The following NFIA variants were observed in gnomAD, a reference collection of about 807,000 sequenced individuals.
NFIA encodes the protein nuclear factor 1 A-type.
NFIA carries 8 observed loss-of-function variants against 62.8 expected under a neutral mutation model. The observed-to-expected ratio is 0.13, with a 90% CI of 0.07 to 0.23. The LOEUF is 0.23. Among genes scored for constraint, NFIA ranks in the 10% least tolerant of loss-of-function variants. NFIA has a pLI of 1.00. For missense variants in NFIA, 410 were observed against 642.1 expected, an observed-to-expected ratio of 0.64 and a Z score of 3.91; for synonymous variants, 235 against 238.1, an observed-to-expected ratio of 0.99 and a Z score of 0.12.
chr1:61,439,657 T>A (rs1372467414), intron 10 of NFIA: 2 of 152,172 alleles, frequency 1.3e-5, no homozygotes, highest in African/African-American at 4.8e-5. Flanking sequence ...TGGAGAGAGA[T>A]GAATTGTGGT....
intron 2 of NFIA, among the ~76,000 whole-genome samples, chr1:61,157,237 CA>C (rs1371399225): frequency 5.3e-5 from 8 of 152,258 alleles, no homozygotes; most frequent in African/African-American, 1.9e-4. Context: ...AGACTTTTCA[CA>C]AAGTGATTGT....
At chr1:61,137,626 C>T (rs1647223333) in intron 2 of NFIA, among the ~76,000 whole-genome samples, 2 of 152,098 alleles carry the variant, frequency 1.3e-5, no homozygotes, top group Admixed American at 1.3e-4. Flanking sequence ...TTAGAATCAC[C>T]TGGAGTGGGA....
intron 10 of NFIA, among the ~76,000 whole-genome samples, chr1:61,442,702 T>TA (rs1667639552): frequency 6.6e-6 from 1 of 151,618 alleles, no homozygotes; most frequent in South Asian, 2.1e-4. Flanking sequence ...GAAGAAAAAA[T>TA]ACACAAAAGA....
intron 2 of NFIA, among the ~76,000 whole-genome samples, chr1:61,172,795 AAATT>A (rs1460438601): frequency 3.7e-4 from 57 of 152,364 alleles, no homozygotes; most frequent in Non-Finnish European, 7.8e-4. Context: ...CAGGCTGGTA[AAATT>A]GTTTCAAGAA....
intron 6 of NFIA, among the ~76,000 whole-genome samples, chr1:61,370,072 GTCCTTGGTCTGTGCAGA>G (rs1318477001): frequency 1.3e-5 from 2 of 152,206 alleles, no homozygotes; most frequent in Non-Finnish European, 2.9e-5. Context: ...GAAGAAATAA[GTCCTTGGTCTGTGCAGA>G]TCCCAGAAGT....
chr1:61,218,727 G>A (rs978881356), intron 2 of NFIA, among the ~76,000 whole-genome samples: 5 of 152,110 alleles, frequency 3.3e-5, no homozygotes, highest in Admixed American at 6.5e-5. Flanking sequence ...TTCAGTGGGC[G>A]TATAGTATTT....
intron 2 of NFIA, among the ~76,000 whole-genome samples, chr1:61,255,012 A>G (rs1570460306): frequency 6.6e-6 from 1 of 152,278 alleles, no homozygotes; most frequent in East Asian, 1.9e-4. Context: ...TCACTGGCTT[A>G]GCGATCTGAA....
chr1:61,378,130 G>A (rs749674806), intron 6 of NFIA, among the ~76,000 whole-genome samples: 5 of 152,270 alleles, frequency 3.3e-5, no homozygotes, highest in Middle Eastern at 3.4e-3. Context: ...CTTGGGAGTA[G>A]GGGAGAGGTG....
intron 3 of NFIA, among the ~76,000 whole-genome samples, chr1:61,291,703 A>G (rs771550366): frequency 6.6e-6 from 1 of 152,104 alleles, no homozygotes; most frequent in African/African-American, 2.4e-5. Flanking sequence ...AATGTTTTGT[A>G]CTCAGCAGCT....
At chr1:61,307,200 T>G (rs1659848511) in intron 3 of NFIA, among the ~76,000 whole-genome samples, 1 of 152,120 alleles carries the variant, frequency 6.6e-6, no homozygotes, top group Admixed American at 6.5e-5. Flanking sequence ...AAATCCTGAC[T>G]CCATGGTGAT....
chr1:61,132,072 T>C (rs1647091957), intron 2 of NFIA, among the ~76,000 whole-genome samples: 1 of 152,196 alleles, frequency 6.6e-6, no homozygotes. Context: ...GAAAAAATTA[T>C]ATATAGGTAA....
chr1:61,386,670 A>G (rs562112310), intron 7 of NFIA, among the ~76,000 whole-genome samples: 1 of 152,376 alleles, frequency 6.6e-6, no homozygotes, highest in African/African-American at 2.4e-5. Flanking sequence ...CATAAGCTAC[A>G]TTTGGAAATT....
At chr1:61,157,197 T>TA (rs1648879716) in intron 2 of NFIA, among the ~76,000 whole-genome samples, 1 of 152,216 alleles carries the variant, frequency 6.6e-6, no homozygotes, top group Non-Finnish European at 1.5e-5. Context: ...GTTTTTGACA[T>TA]AAAAATAATA....
chr1:61,135,380 C>T (rs1287924518), intron 2 of NFIA, among the ~76,000 whole-genome samples: 1 of 152,150 alleles, frequency 6.6e-6, no homozygotes, highest in Non-Finnish European at 1.5e-5. Flanking sequence ...ATCATGCCTT[C>T]TTGTTACCTA....
intron 3 of NFIA, among the ~76,000 whole-genome samples, chr1:61,295,023 G>A (rs1004989316): frequency 2.0e-5 from 3 of 152,186 alleles, no homozygotes; most frequent in East Asian, 3.9e-4. Context: ...AGATGGTTTC[G>A]AGCAGGGTGT....
intron 9 of NFIA, among the ~76,000 whole-genome samples, chr1:61,420,586 G>A (rs973095127): frequency 6.6e-6 from 1 of 152,068 alleles, no homozygotes; most frequent in Non-Finnish European, 1.5e-5. Flanking sequence ...AACTTGTTTT[G>A]ATTACTTTTG....
At chr1:61,271,672 G>A (rs892918157) in intron 2 of NFIA, among the ~76,000 whole-genome samples, 9 of 152,274 alleles carry the variant, frequency 5.9e-5, no homozygotes, top group African/African-American at 2.2e-4. Flanking sequence ...GGACCAATGC[G>A]TGCAAACTAG....
chr1:61,462,029 T>TG lies in NFIA; in HGVS notation c.*6709_*6710insG, dbSNP rs1469881854. 1 of 149,944 alleles carries TG rather than the reference T, an allele frequency of 6.7e-6. No homozygotes were observed. The highest frequency in any genetic ancestry group is 2.4e-5 in the African/African-American group (1 of 40,854). The allele number at this position is 149,944 out of a possible 1,614,324, so 9.3% of individuals were successfully genotyped here. A position where few individuals can be genotyped will look rare whatever the true frequency, so the allele number is the denominator to read the frequency against. On this transcript the variant is annotated 3_prime_UTR_variant, in exon 11 of 11. Transcript: ENST00000403491. ...CTGTAAGTTAGCCTTTTTGGGTTTT[T>TG]TTTTTTTTTTTTTGGCTTTTTTTTT...
intron 3 of NFIA, among the ~76,000 whole-genome samples, chr1:61,313,736 T>G (rs1000379637): frequency 2.0e-5 from 3 of 152,214 alleles, no homozygotes; most frequent in African/African-American, 4.8e-5. Context: ...ACATCAGGAA[T>G]TTGTATGTAC....
Sources: gnomAD v4.1 joint callset for allele counts (sites outside exome capture counted in the v4.1 genomes callset) on GRCh38, gnomAD v4.1.1 for gene constraint, MANE v1.5 for transcripts, NCBI Gene and HGNC (gene_info 2026-07-23, HGNC 2026-07-21) for gene names.